Variants in FOXP2 observed in about 807,000 individuals in gnomAD.
The protein encoded by FOXP2 is forkhead box protein P2.
A neutral mutation model predicts 115.8 loss-of-function variants in FOXP2; 12 were observed. The observed-to-expected ratio is 0.10, with a 90% CI of 0.07 to 0.17. FOXP2 has a LOEUF of 0.17. Among genes scored for constraint, FOXP2 ranks in the 10% least tolerant of loss-of-function variants. The probability of loss-of-function intolerance (pLI) is 1.00; values close to 1 mark genes in which losing one functional copy is unlikely to be tolerated. For missense variants in FOXP2, 629 were observed against 843.5 expected, an observed-to-expected ratio of 0.75 and a Z score of 3.15; for synonymous variants, 328 against 297.7, an observed-to-expected ratio of 1.10 and a Z score of -1.05.
At chr7:114,196,087 ACTGTACC>A (rs1793897393) in intron 1 of FOXP2, among the ~76,000 whole-genome samples, 1 of 152,142 alleles carries the variant, frequency 6.6e-6, no homozygotes, top group African/African-American at 2.4e-5. Context: ...ATCTCGGCTC[ACTGTACC>A]CTCTGCCTCC....
At chr7:114,584,112 G>A (rs1262971746) in intron 3 of FOXP2, among the ~76,000 whole-genome samples, 1 of 152,022 alleles carries the variant, frequency 6.6e-6, no homozygotes, top group Non-Finnish European at 1.5e-5. Context: ...TAATTCATTT[G>A]GGGTCACATT....
intron 1 of FOXP2, among the ~76,000 whole-genome samples, chr7:114,213,169 C>T (rs1040330936): frequency 2.0e-5 from 3 of 152,176 alleles, no homozygotes; most frequent in Admixed American, 6.5e-5. Flanking sequence ...TATTTCAGAA[C>T]TGCTTATTAA....
At chr7:114,486,386 G>A in intron 2 of FOXP2, among the ~76,000 whole-genome samples, 1 of 152,078 alleles carries the variant, frequency 6.6e-6, no homozygotes, top group South Asian at 2.1e-4. Flanking sequence ...ACCCCCACCA[G>A]TTTCTCCCAC....
At position 114,130,727 on chromosome 7, in the gene FOXP2, G is replaced by A. The variant is rs554069168; in HGVS notation, c.-246-32217G>A. On this transcript the variant is annotated intron_variant, in intron 1 of 19. Transcript: ENST00000635638. ...AATATTAAAATATTTTCATAAATCA[G>A]GTACTACAGAAAATATATGCAAAGG... 9.4e-4 allele frequency among the ~76,000 whole-genome samples: 143 copies of A among 152,186 alleles called. 2 individuals carry two copies. The highest frequency in any genetic ancestry group is 3.3e-3 in the African/African-American group (136 of 41,544).
intron 2 of FOXP2, among the ~76,000 whole-genome samples, chr7:114,437,383 G>A (rs555272732): frequency 3.3e-5 from 5 of 152,128 alleles, no homozygotes; most frequent in African/African-American, 1.2e-4. Flanking sequence ...ATGGAGCAGC[G>A]CCTTAGATGA....
intron 2 of FOXP2, among the ~76,000 whole-genome samples, chr7:114,359,795 A>G (rs1439963039): frequency 2.0e-5 from 3 of 152,216 alleles, no homozygotes; most frequent in African/African-American, 7.2e-5. Context: ...TCCCCATTGT[A>G]TCTAGGAAGT....
upstream of FOXP2, among the ~76,000 whole-genome samples, chr7:114,411,207 C>T (rs1562909509): frequency 6.6e-6 from 1 of 151,956 alleles, no homozygotes; most frequent in Non-Finnish European, 1.5e-5. Flanking sequence ...ATCTGGCTTT[C>T]GATTTTGGAT....
chr7:114,247,923 A>G (rs1795331357), intron 1 of FOXP2, among the ~76,000 whole-genome samples: 1 of 152,162 alleles, frequency 6.6e-6, no homozygotes, highest in Non-Finnish European at 1.5e-5. Flanking sequence ...GGATGTGCAG[A>G]CACACACAGG....
At chr7:114,221,416 C>T (rs1284270574) in intron 1 of FOXP2, among the ~76,000 whole-genome samples, 1 of 152,034 alleles carries the variant, frequency 6.6e-6, no homozygotes, top group Non-Finnish European at 1.5e-5. Context: ...TAAGTAACTC[C>T]AATATTTTTT....
intron 1 of FOXP2, among the ~76,000 whole-genome samples, chr7:114,238,773 G>GA (rs35232663): frequency 0.53 from 80,618 of 151,254 alleles, 24,485 homozygotes; most frequent in Admixed American, 0.73. Flanking sequence ...CTCTATCTGG[G>GA]AAAAAAACCA....
intron 3 of FOXP2, among the ~76,000 whole-genome samples, chr7:114,583,898 A>T (rs950892523): frequency 6.6e-5 from 10 of 152,006 alleles, no homozygotes; most frequent in Non-Finnish European, 1.2e-4. Context: ...AACTAAATTA[A>T]TTTTTTTTCT....
rs545315766 is a variant in FOXP2, at chr7:114,634,957, A to G, written c.775+3252A>G. On this transcript the variant is annotated intron_variant, in intron 6 of 16. Transcript: ENST00000350908. Reference sequence around the variant, plus strand: ...ATTTTCTGTCACTCCAAGTTTTTACATATTTTTTAATTTATAAAAGTTATT... The same window carrying G: ...ATTTTCTGTCACTCCAAGTTTTTACGTATTTTTTAATTTATAAAAGTTATT... Among the ~76,000 whole-genome samples, 16 of 152,244 alleles carry G rather than the reference A, an allele frequency of 1.1e-4. No individual in the cohort carries two copies. The South Asian group carries it at 3.3e-3, about 32-fold the overall frequency.
At position 114,652,188 on chromosome 7, in the gene FOXP2, C is replaced by T; in HGVS notation, c.1095-15C>T. 6.2e-7 allele frequency: 1 copy of T among 1,611,812 alleles called. No individual in the cohort carries two copies. The highest frequency in any genetic ancestry group is 1.1e-5 in the South Asian group (1 of 91,020). On this transcript the variant is annotated splice_polypyrimidine_tract_variant and intron_variant, in intron 8 of 16. Coordinates refer to ENST00000350908, the MANE Select transcript of FOXP2 (RefSeq NM_014491.4). ...CATCACTTTACATTCTGTTTTGTGT[C>T]TTCTGTTTGTTTAGGCACCTTAACA...
At chr7:114,639,310 G>C (rs1470347613) in intron 6 of FOXP2, among the ~76,000 whole-genome samples, 1 of 152,080 alleles carries the variant, frequency 6.6e-6, no homozygotes, top group Non-Finnish European at 1.5e-5. Context: ...GCACCAACAT[G>C]TCTTCAAGAA....
At chr7:114,560,433 T>A (rs532081809) in intron 3 of FOXP2, among the ~76,000 whole-genome samples, 2 of 151,944 alleles carry the variant, frequency 1.3e-5, no homozygotes, top group South Asian at 4.2e-4. Context: ...TAGGGAAACC[T>A]AAAAATGTTA....
At chr7:114,160,499 A>T (rs923616223), upstream of FOXP2, among the ~76,000 whole-genome samples, 3 of 152,156 alleles carry the variant, frequency 2.0e-5, no homozygotes, top group African/African-American at 7.2e-5. Flanking sequence ...GTTTATTTAA[A>T]AAAAAGGTGC....
At chr7:114,276,598 A>G (rs1796194681) in intron 1 of FOXP2, among the ~76,000 whole-genome samples, 1 of 152,150 alleles carries the variant, frequency 6.6e-6, no homozygotes, top group Admixed American at 6.6e-5. Flanking sequence ...GTCCCCCTGG[A>G]GTTATCCTTT....
intron 2 of FOXP2, among the ~76,000 whole-genome samples, chr7:114,395,640 T>C (rs1038039852): frequency 1.3e-5 from 2 of 152,168 alleles, no homozygotes; most frequent in African/African-American, 4.8e-5. Flanking sequence ...AAGATATTAT[T>C]ACTAGTTTAA....
intron 1 of FOXP2, among the ~76,000 whole-genome samples, chr7:114,201,039 C>T (rs1285363626): frequency 6.6e-6 from 1 of 152,070 alleles, no homozygotes; most frequent in Non-Finnish European, 1.5e-5. Context: ...ACCTGTAATC[C>T]CAGCTATTCA....
Sources: gnomAD v4.1 joint callset for allele counts (sites outside exome capture counted in the v4.1 genomes callset) on GRCh38, gnomAD v4.1.1 for gene constraint, MANE v1.5 for transcripts, NCBI Gene and HGNC (gene_info 2026-07-23, HGNC 2026-07-21) for gene names.